RCAN2: variants seen among roughly 807,000 people sequenced by gnomAD.
The protein encoded by RCAN2 is regulator of calcineurin 2.
A neutral mutation model predicts 23.6 loss-of-function variants in RCAN2; 9 were observed. That is an observed-to-expected ratio of 0.38 (90% CI 0.23 to 0.67). The LOEUF (loss-of-function observed/expected upper bound fraction) is 0.67. Among genes scored for constraint, RCAN2 ranks in the 30% least tolerant of loss-of-function variants. RCAN2 has a pLI of 0.51. For synonymous variants in RCAN2, 109 were observed against 115.7 expected (o/e 0.94, Z 0.37); for missense variants, 273 against 302.3 (o/e 0.90, Z 0.72).
At chr6:46,256,818 G>A (rs575322293) in intron 2 of RCAN2, among the ~76,000 whole-genome samples, 1 of 152,222 alleles carries the variant, frequency 6.6e-6, no homozygotes, top group Non-Finnish European at 1.5e-5. Context: ...ATACATTGAA[G>A]CCAAGAAGGA....
chr6:46,466,291 C>T (rs1020512942), intron 1 of RCAN2, among the ~76,000 whole-genome samples: 1 of 152,158 alleles, frequency 6.6e-6, no homozygotes, highest in African/African-American at 2.4e-5. Context: ...TCAGATGGGG[C>T]ATGGAGTGCT....
At chr6:46,446,421 C>T (rs909828642) in intron 2 of RCAN2, among the ~76,000 whole-genome samples, 6 of 152,142 alleles carry the variant, frequency 3.9e-5, no homozygotes, top group East Asian at 1.9e-4. Flanking sequence ...TTTATCACCA[C>T]CAGACCTATT....
intron 2 of RCAN2, among the ~76,000 whole-genome samples, chr6:46,443,930 A>T (rs117526888): frequency 1.3e-5 from 2 of 152,130 alleles, no homozygotes; most frequent in African/African-American, 4.8e-5. Flanking sequence ...ACTCTTTTTT[A>T]TCTCTCTAAA....
At chr6:46,236,487 T>C (rs529059756) in intron 4 of RCAN2, among the ~76,000 whole-genome samples, 1 of 152,302 alleles carries the variant, frequency 6.6e-6, no homozygotes, top group South Asian at 2.1e-4. Context: ...TGCTTAATTA[T>C]ATCACCTTTG....
chr6:46,489,738 G>C (rs1323223764), intron 1 of RCAN2, among the ~76,000 whole-genome samples: 2 of 152,154 alleles, frequency 1.3e-5, no homozygotes, highest in African/African-American at 4.8e-5. Context: ...CTTTAGATGA[G>C]AACACTTTTC....
At chr6:46,429,452 C>A (rs560447613) in intron 2 of RCAN2, among the ~76,000 whole-genome samples, 2 of 152,172 alleles carry the variant, frequency 1.3e-5, no homozygotes, top group South Asian at 4.1e-4. Flanking sequence ...TCACAAACTT[C>A]TTGGTAGACT....
intron 2 of RCAN2, among the ~76,000 whole-genome samples, chr6:46,370,443 C>T (rs1304395980): frequency 6.6e-6 from 1 of 152,178 alleles, no homozygotes; most frequent in Non-Finnish European, 1.5e-5. Context: ...CCCCAGCTCC[C>T]ATGTATTCTG....
intron 2 of RCAN2, among the ~76,000 whole-genome samples, chr6:46,421,702 G>C (rs1030660213): frequency 4.6e-5 from 7 of 152,074 alleles, no homozygotes; most frequent in Admixed American, 2.0e-4. Flanking sequence ...AGTTTAGCAT[G>C]TTATATTGGG....
intron 2 of RCAN2, among the ~76,000 whole-genome samples, chr6:46,455,831 T>C (rs1453581606): frequency 1.4e-5 from 2 of 139,614 alleles, no homozygotes; most frequent in Non-Finnish European, 3.0e-5. Flanking sequence ...CACTCCAGCC[T>C]GGGCAACAGA....
rs188428950 is a variant in RCAN2 at position 46,442,267 on chromosome 6, C to T, written c.225+14485G>A. Among the ~76,000 whole-genome samples, 14 of 152,330 alleles carry T rather than the reference C, an allele frequency of 9.2e-5. No individual in the cohort carries two copies. The East Asian group carries it at 1.9e-3, about 21-fold the overall frequency. On this transcript the variant is annotated intron_variant, in intron 2 of 4. Transcript: ENST00000371374. ...AACTCAAGAGTTACCTTTGAATTTA[C>T]ATCTTTTAAAATTTGAAGTACTTTG...
chr6:46,379,431 T>C (rs933668547), intron 2 of RCAN2, among the ~76,000 whole-genome samples: 4 of 152,150 alleles, frequency 2.6e-5, no homozygotes, highest in Non-Finnish European at 5.9e-5. Context: ...GTCCTAGGAA[T>C]AGAACACAAA....
At chr6:46,313,261 C>T (rs1582093845) in intron 2 of RCAN2, among the ~76,000 whole-genome samples, 1 of 152,200 alleles carries the variant, frequency 6.6e-6, no homozygotes, top group Non-Finnish European at 1.5e-5. Context: ...CCATGGCACG[C>T]TCTATGTTCT....
Position 46,406,315 on chromosome 6 carries a change from C to T in RCAN2, c.225+50437G>A, listed in dbSNP as rs150863169. Reference sequence around the variant, plus strand: ...GCGAGGGCTCTGAGGAGTGCCAGCACGCTGTCACCTCTCAAAAGGGTCTCC... The same window carrying T: ...GCGAGGGCTCTGAGGAGTGCCAGCATGCTGTCACCTCTCAAAAGGGTCTCC... On this transcript the variant is annotated intron_variant, in intron 2 of 4. Coordinates refer to ENST00000371374, the MANE Select transcript of RCAN2 (RefSeq NM_001251974.2). 3.6e-3 allele frequency among the ~76,000 whole-genome samples: 547 copies of T among 152,338 alleles called. 2 individuals are homozygous for T. The highest frequency in any genetic ancestry group is 6.7e-3 in the Non-Finnish European group (453 of 68,026).
At position 46,294,045 on chromosome 6, in the gene RCAN2, T is replaced by C. The variant is rs958299608; in HGVS notation, c.226-45149A>G. On this transcript the variant is annotated intron_variant, in intron 2 of 4. Transcript: ENST00000371374. ...CAAGGGCGTGATGATTGGGGCACCGTGTGCCAAGCTAAGGCATTTCAACCT... is the reference window on the plus strand; with the variant it reads ...CAAGGGCGTGATGATTGGGGCACCGCGTGCCAAGCTAAGGCATTTCAACCT... Among the ~76,000 whole-genome samples, 4 of 152,288 alleles carry C rather than the reference T, an allele frequency of 2.6e-5. No individual in the cohort carries two copies. The South Asian group carries it at 8.3e-4, about 32-fold the overall frequency.
chr6:46,388,015 A>G (rs1472249107), intron 2 of RCAN2, among the ~76,000 whole-genome samples: 6 of 150,952 alleles, frequency 4.0e-5, no homozygotes, highest in Non-Finnish European at 8.9e-5. Context: ...AAAAAACCAA[A>G]CACCGCACGT....
At chr6:46,464,377 C>T (rs967796837) in intron 1 of RCAN2, among the ~76,000 whole-genome samples, 1 of 152,018 alleles carries the variant, frequency 6.6e-6, no homozygotes, top group African/African-American at 2.4e-5. Context: ...AATAAATTTA[C>T]AATTAAATTT....
At chr6:46,270,190 T>C (rs1008828080) in intron 2 of RCAN2, among the ~76,000 whole-genome samples, 3 of 151,952 alleles carry the variant, frequency 2.0e-5, no homozygotes, top group African/African-American at 7.3e-5. Context: ...CAAGTGAGTA[T>C]AGGGCCCCAG....
At chr6:46,278,964 C>T (rs187041509) in intron 2 of RCAN2, among the ~76,000 whole-genome samples, 39 of 152,240 alleles carry the variant, frequency 2.6e-4, no homozygotes, top group Admixed American at 2.6e-3. Context: ...GCGTTGGAAC[C>T]ACCTAGGCCA....
At chr6:46,442,047 G>A (rs775833016) in intron 2 of RCAN2, among the ~76,000 whole-genome samples, 2 of 152,078 alleles carry the variant, frequency 1.3e-5, no homozygotes, top group Non-Finnish European at 2.9e-5. Flanking sequence ...ACTTTCTCTG[G>A]TTATCACCAA....
Sources: allele counts gnomAD v4.1 joint callset (sites outside exome capture counted in the v4.1 genomes callset), GRCh38; gene constraint gnomAD v4.1.1; transcripts MANE v1.5; gene names NCBI Gene and HGNC (gene_info 2026-07-23, HGNC 2026-07-21).